The following NEK10 variants were observed in gnomAD, a reference collection of about 807,000 sequenced individuals.
NEK10 encodes the protein NIMA related kinase 10, also known as serine/threonine-protein kinase Nek10.
A neutral mutation model predicts 159.8 loss-of-function variants in NEK10; 122 were observed. That is an observed-to-expected ratio of 0.76 (90% CI 0.66 to 0.89). The LOEUF (loss-of-function observed/expected upper bound fraction) is 0.89, where lower values mean the gene tolerates loss of function less well. Ranked by LOEUF, NEK10 falls within the 40% of genes least tolerant of loss-of-function variation. The probability of loss-of-function intolerance (pLI) is 0.00; values close to 1 mark genes in which losing one functional copy is unlikely to be tolerated. For synonymous variants in NEK10, 466 were observed against 457.1 expected, an observed-to-expected ratio of 1.02 and a Z score of -0.25; for missense variants, 1,342 against 1,323.1, an observed-to-expected ratio of 1.01 and a Z score of -0.22.
At chr3:27,196,079 T>C (rs79729806) in intron 25 of NEK10, among the ~76,000 whole-genome samples, 34,634 of 152,008 alleles carry the variant, frequency 0.23, 4,264 homozygotes, top group Middle Eastern at 0.38. Context: ...CACAGGCAAA[T>C]AGCCCAGCAC....
intron 19 of NEK10, among the ~76,000 whole-genome samples, chr3:27,288,074 GAC>G (rs3036445): frequency 0.012 from 1,761 of 152,244 alleles, 11 homozygotes; most frequent in South Asian, 0.021. Context: ...GTCACAACCC[GAC>G]ACACAGACTG....
At chr3:27,353,691 A>G (rs2048131677) in intron 1 of NEK10, among the ~76,000 whole-genome samples, 1 of 152,192 alleles carries the variant, frequency 6.6e-6, no homozygotes, top group African/African-American at 2.4e-5. Context: ...GGATTGTACC[A>G]AGGATATAAC....
intron 5 of NEK10, among the ~76,000 whole-genome samples, chr3:27,330,621 A>G (rs2046327392): frequency 6.6e-6 from 1 of 152,232 alleles, no homozygotes; most frequent in South Asian, 2.1e-4. Context: ...CAATCAAAAT[A>G]ATTTAATGCA....
intron 6 of NEK10, 131 bp downstream of exon 6, chr3:27,322,046 A>G (rs1332470296): frequency 1.7e-6 from 1 of 576,756 alleles, no homozygotes; most frequent in East Asian, 2.8e-5. Context: ...GACATTCCCC[A>G]TATATGGAAG....
At chr3:27,344,769 C>T (rs1195005022) in intron 4 of NEK10, among the ~76,000 whole-genome samples, 1 of 152,152 alleles carries the variant, frequency 6.6e-6, no homozygotes, top group Non-Finnish European at 1.5e-5. Context: ...ATTCCCTCTC[C>T]ACTTTTCCAC....
chr3:27,322,193 C>T lies in NEK10; in HGVS notation c.431G>A (p.Arg144Lys). ...CCAACCAACCTGATAACATGGATCC[C>T]TCATTAGTAGCCTCAGACAGATTAA... Reference protein sequence around the residue: ...RVLICLRLLMRDPCYQEILHS... With the variant: ...RVLICLRLLMKDPCYQEILHS... The change falls in exon 6 of 36, where the codon AGG becomes AAG. Residue 144 changes from arginine to lysine, a missense_variant. Arg to Lys is a conservative substitution (Grantham distance 26). Coordinates refer to ENST00000691995, the MANE Select transcript of NEK10 (RefSeq NM_001394966.1). The T allele has an allele frequency of 6.4e-7, 1 of 1,555,038 alleles. No homozygotes were observed.
At chr3:27,281,422 G>A (rs1289784840) in intron 22 of NEK10, among the ~76,000 whole-genome samples, 1 of 151,918 alleles carries the variant, frequency 6.6e-6, no homozygotes, top group Non-Finnish European at 1.5e-5. Flanking sequence ...TTTCCAGAGT[G>A]ATAAAATACC....
chr3:27,225,338 C>T (rs148600352), intron 23 of NEK10, among the ~76,000 whole-genome samples: 1,748 of 152,312 alleles, frequency 0.011, 7 homozygotes, highest in South Asian at 0.021. Context: ...GCAACATCCT[C>T]ACAGACACAA....
intron 32 of NEK10, among the ~76,000 whole-genome samples, chr3:27,123,110 T>C (rs1414624418): frequency 6.6e-6 from 1 of 152,212 alleles, no homozygotes; most frequent in Non-Finnish European, 1.5e-5. Flanking sequence ...CCAGTGTATG[T>C]TGGACAGCAT....
At chr3:27,303,643 G>T (rs2044006230) in intron 12 of NEK10, among the ~76,000 whole-genome samples, 1 of 152,100 alleles carries the variant, frequency 6.6e-6, no homozygotes, top group African/African-American at 2.4e-5. Context: ...TTTTTCCTTT[G>T]TTTAGGTAAT....
chr3:27,169,266 T>C (rs924989800), intron 29 of NEK10, among the ~76,000 whole-genome samples: 7 of 152,234 alleles, frequency 4.6e-5, no homozygotes, highest in Non-Finnish European at 1.0e-4. Flanking sequence ...ATGAGGAATG[T>C]TGGGTACTAG....
chr3:27,226,626 G>A (rs1330616653), intron 23 of NEK10, among the ~76,000 whole-genome samples: 7 of 152,096 alleles, frequency 4.6e-5, no homozygotes, highest in Admixed American at 3.3e-4. Flanking sequence ...AGTGAACAGA[G>A]GCAAATTCGT....
chr3:27,147,369 C>A (rs1368991968), intron 30 of NEK10, among the ~76,000 whole-genome samples: 4 of 152,166 alleles, frequency 2.6e-5, no homozygotes, highest in African/African-American at 9.7e-5. Flanking sequence ...GTAGACCATT[C>A]TATAATCAGA....
intron 23 of NEK10, among the ~76,000 whole-genome samples, chr3:27,208,403 A>T (rs185788458): frequency 1.3e-5 from 2 of 152,308 alleles, no homozygotes; most frequent in African/African-American, 4.8e-5. Flanking sequence ...TTGATAAAAT[A>T]TAACCTCGTC....
intron 22 of NEK10, among the ~76,000 whole-genome samples, chr3:27,275,188 C>T (rs2041681082): frequency 6.6e-6 from 1 of 152,168 alleles, no homozygotes; most frequent in African/African-American, 2.4e-5. Context: ...CCCCATCTGG[C>T]TCTAACTTTG....
intron 22 of NEK10, among the ~76,000 whole-genome samples, chr3:27,263,175 G>C (rs529136199): frequency 6.6e-6 from 1 of 152,310 alleles, no homozygotes; most frequent in South Asian, 2.1e-4. Flanking sequence ...TATTCCTCTG[G>C]AAGTTTTGTC....
At chr3:27,314,074 C>T (rs2044946536) in intron 7 of NEK10, among the ~76,000 whole-genome samples, 1 of 152,130 alleles carries the variant, frequency 6.6e-6, no homozygotes, top group Non-Finnish European at 1.5e-5. Context: ...CTCATTTCAT[C>T]AGGCTGAGTA....
At chr3:27,177,257 T>C (rs1479411617) in intron 26 of NEK10, among the ~76,000 whole-genome samples, 1 of 152,058 alleles carries the variant, frequency 6.6e-6, no homozygotes, top group Non-Finnish European at 1.5e-5. Context: ...AAATTTGTAT[T>C]TCTAGGCCAG....
At chr3:27,160,084 A>C (rs1456240706) in intron 30 of NEK10, among the ~76,000 whole-genome samples, 1 of 152,110 alleles carries the variant, frequency 6.6e-6, no homozygotes, top group Non-Finnish European at 1.5e-5. Flanking sequence ...TGTTAAGTAA[A>C]TGAAAATACA....
Sources: gnomAD v4.1 joint callset for allele counts (sites outside exome capture counted in the v4.1 genomes callset) on GRCh38, gnomAD v4.1.1 for gene constraint, MANE v1.5 for transcripts, NCBI Gene and HGNC (gene_info 2026-07-23, HGNC 2026-07-21) for gene names.